Variants in ARHGAP26 observed in about 807,000 individuals in gnomAD.
The protein encoded by ARHGAP26 is Rho GTPase activating protein 26.
In ARHGAP26, 38 loss-of-function variants were observed where a neutral mutation model predicts 104.8. That is an observed-to-expected ratio of 0.36 (90% CI 0.28 to 0.48). The LOEUF (loss-of-function observed/expected upper bound fraction) is 0.48, where lower values mean the gene tolerates loss of function less well. Ranked by LOEUF, ARHGAP26 falls within the 20% of genes least tolerant of loss-of-function variation. ARHGAP26 has a pLI of 0.99. For synonymous variants in ARHGAP26, 341 were observed against 340.0 expected (o/e 1.00, Z -0.03); for missense variants, 704 against 947.9 (o/e 0.74, Z 3.38).
At chr5:142,852,332 C>T (rs192011196) in intron 1 of ARHGAP26, among the ~76,000 whole-genome samples, 1 of 152,318 alleles carries the variant, frequency 6.6e-6, no homozygotes, top group East Asian at 1.9e-4. Context: ...TCATTGTCCT[C>T]TGGGGACATG....
chr5:142,982,560 G>T (rs928800082), intron 11 of ARHGAP26, among the ~76,000 whole-genome samples: 1 of 152,216 alleles, frequency 6.6e-6, no homozygotes, highest in Non-Finnish European at 1.5e-5. Flanking sequence ...CTGAATAGCG[G>T]AAGGAAGGAA....
At chr5:143,106,713 T>C (rs1257835623) in intron 17 of ARHGAP26, among the ~76,000 whole-genome samples, 2 of 152,250 alleles carry the variant, frequency 1.3e-5, no homozygotes, top group Admixed American at 1.3e-4. Context: ...CCTCAGGTGA[T>C]CCACCCACCT....
At position 142,770,822 on chromosome 5, in the gene ARHGAP26, A is replaced by G; in HGVS notation, c.61A>G (p.Thr21Ala). 1 of 1,609,208 alleles carries G rather than the reference A, an allele frequency of 6.2e-7. No homozygotes were observed. Among genetic ancestry groups the G allele is most frequent in the Non-Finnish European group, 8.5e-7 (1 of 1,177,722 alleles). Reference protein sequence around the residue: ...CCLDSPHFRETLKSHEAELDK... With the variant: ...CCLDSPHFREALKSHEAELDK... ...CCTCGATAGTCCGCACTTCCGAGAG[A>G]CGCTCAAGTCGCACGAAGCAGAGCT... The change falls in exon 1 of 23, where the codon ACG (threonine) becomes GCG (alanine). Residue 21 changes from threonine to alanine, a missense_variant. This residue lies in a region of ARHGAP26 where 77 missense variants were observed against 82.6 expected (regional missense o/e 0.93). Transcript: ENST00000645722.
At chr5:143,085,722 C>T (rs1033246504) in intron 17 of ARHGAP26, among the ~76,000 whole-genome samples, 1 of 152,142 alleles carries the variant, frequency 6.6e-6, no homozygotes, top group African/African-American at 2.4e-5. Flanking sequence ...AGTGTTTATC[C>T]ATCTGGTTGG....
intron 6 of ARHGAP26, among the ~76,000 whole-genome samples, chr5:142,899,269 G>A (rs940443764): frequency 6.6e-6 from 1 of 152,038 alleles, no homozygotes; most frequent in Non-Finnish European, 1.5e-5. Flanking sequence ...TCTTTTTTTG[G>A]GGGACACAAT....
chr5:143,188,985 T>G (rs529254055), intron 20 of ARHGAP26, among the ~76,000 whole-genome samples: 2 of 152,338 alleles, frequency 1.3e-5, no homozygotes, highest in African/African-American at 4.8e-5. Flanking sequence ...ACAAGCGACA[T>G]ACTCTTTTAA....
rs891057851 is a variant in ARHGAP26, at chr5:143,104,510, C to CA, written c.1539-16471dup. On this transcript the variant is annotated intron_variant, in intron 17 of 22. Coordinates refer to ENST00000645722, the MANE Select transcript of ARHGAP26 (RefSeq NM_001135608.3). The stretch of plus-strand genomic sequence containing the variant: ...TGGGCGAGAGAGTGAGAACCTGTCT[C>CA]AAAAAAACAAAACAAAACAAAAAAA... Among the ~76,000 whole-genome samples, 8 of 151,744 alleles carry CA rather than the reference C, an allele frequency of 5.3e-5. No homozygotes were observed. The South Asian group carries it at 6.2e-4, about 12-fold the overall frequency.
chr5:143,193,569 G>A (rs566003777), intron 20 of ARHGAP26, among the ~76,000 whole-genome samples: 1 of 152,194 alleles, frequency 6.6e-6, no homozygotes, highest in South Asian at 2.1e-4. Flanking sequence ...TTATGTTCAA[G>A]TAACCCTTAC....
intron 3 of ARHGAP26, among the ~76,000 whole-genome samples, chr5:142,875,815 A>C (rs953074547): frequency 3.9e-5 from 6 of 152,170 alleles, no homozygotes; most frequent in Admixed American, 2.0e-4. Flanking sequence ...ATCATAGCTC[A>C]CTACAGCTTC....
At chr5:142,802,408 G>A (rs1762242357) in intron 1 of ARHGAP26, among the ~76,000 whole-genome samples, 1 of 152,206 alleles carries the variant, frequency 6.6e-6, no homozygotes, top group Non-Finnish European at 1.5e-5. Context: ...AGTACAGTAA[G>A]TCCTCACTTA....
intron 1 of ARHGAP26, among the ~76,000 whole-genome samples, chr5:142,790,698 T>A (rs540603490): frequency 2.6e-5 from 4 of 152,334 alleles, no homozygotes; most frequent in African/African-American, 9.6e-5. Context: ...TGACCTCAGA[T>A]TCCTCTGATG....
intron 20 of ARHGAP26, among the ~76,000 whole-genome samples, chr5:143,160,060 C>CTTTT (rs200678768): frequency 1.5e-5 from 2 of 133,982 alleles, no homozygotes; most frequent in Admixed American, 7.5e-5. Context: ...AAAGATTTTT[C>CTTTT]TTTTTTTTTT....
chr5:142,975,906 G>T (rs17099768), intron 11 of ARHGAP26, among the ~76,000 whole-genome samples: 3,824 of 152,260 alleles, frequency 0.025, 74 homozygotes, highest in Middle Eastern at 0.051. Flanking sequence ...AGAATATAAT[G>T]TGGCCTCTGA....
At chr5:142,877,401 C>T (rs1404059809) in intron 3 of ARHGAP26, among the ~76,000 whole-genome samples, 2 of 152,224 alleles carry the variant, frequency 1.3e-5, no homozygotes, top group Non-Finnish European at 2.9e-5. Flanking sequence ...AACATTGTAC[C>T]TGTCTGTGCC....
chr5:143,019,243 A>G (rs1779985552), intron 12 of ARHGAP26, among the ~76,000 whole-genome samples: 1 of 152,164 alleles, frequency 6.6e-6, no homozygotes, highest in Admixed American at 6.5e-5. Flanking sequence ...AAAGAAGAAG[A>G]AAGTATGATA....
At position 143,207,199 on chromosome 5, in the gene ARHGAP26, C is replaced by A. The variant is rs866743500; in HGVS notation, c.1990C>A (p.Pro664Thr). The A allele has an allele frequency of 2.5e-6, 4 of 1,612,888 alleles. No individual in the cohort carries two copies. Among genetic ancestry groups the A allele is most frequent in the Non-Finnish European group, 3.4e-6 (4 of 1,179,292 alleles). ...TTTTCTGGTTGTTATGTCTTGCAGC[C>A]CCCCGAATCCAAGCCCAACTTCACC... ...VVKPTRPNSL[P>T]PNPSPTSPLS... The change falls in exon 21 of 23, where the codon CCC becomes ACC. Residue 664 changes from proline to threonine, a missense_variant and splice_region_variant. Coordinates refer to ENST00000645722, the MANE Select transcript of ARHGAP26 (RefSeq NM_001135608.3).
At chr5:142,837,510 TAAG>T in intron 1 of ARHGAP26, among the ~76,000 whole-genome samples, 1 of 152,304 alleles carries the variant, frequency 6.6e-6, no homozygotes, top group South Asian at 2.1e-4. Flanking sequence ...TTGGCGATGA[TAAG>T]AAGGCCTGGT....
At chr5:143,205,426 A>G (rs534017997) in intron 20 of ARHGAP26, among the ~76,000 whole-genome samples, 2 of 152,252 alleles carry the variant, frequency 1.3e-5, no homozygotes, top group South Asian at 4.1e-4. Context: ...TGGAGGCAGG[A>G]TTGGGGATTT....
chr5:142,916,834 C>G (rs981281345), intron 10 of ARHGAP26, among the ~76,000 whole-genome samples: 9 of 152,166 alleles, frequency 5.9e-5, no homozygotes, highest in Non-Finnish European at 1.3e-4. Context: ...AGTATCAGAG[C>G]ATTTCCTATA....
Sources: allele counts gnomAD v4.1 joint callset (sites outside exome capture counted in the v4.1 genomes callset), GRCh38; gene constraint gnomAD v4.1.1; regional missense constraint gnomAD v4.1.1; transcripts MANE v1.5; gene names NCBI Gene and HGNC (gene_info 2026-07-23, HGNC 2026-07-21).